Variants in EXO1 observed in about 807,000 individuals in gnomAD.
The protein encoded by EXO1 is exonuclease 1.
In EXO1, 69 loss-of-function variants were observed where a neutral mutation model predicts 84.5. The ratio of observed to expected loss-of-function variants is 0.82; its 90% CI spans 0.67 to 1.00. The LOEUF (loss-of-function observed/expected upper bound fraction) is 1.00, where lower values mean the gene tolerates loss of function less well. Among genes scored for constraint, EXO1 ranks in the 50% least tolerant of loss-of-function variants. The pLI is 0.00. For synonymous variants in EXO1, 373 were observed against 366.1 expected, an observed-to-expected ratio of 1.02 and a Z score of -0.21; for missense variants, 1,045 against 1,000.7, an observed-to-expected ratio of 1.04 and a Z score of -0.60.
chr1:241,864,209 C>T (rs756298218), intron 10 of EXO1, among the ~76,000 whole-genome samples: 27 of 152,158 alleles, frequency 1.8e-4, no homozygotes, highest in Non-Finnish European at 4.0e-4. Context: ...GTTGGTAACA[C>T]ATTGGATTTG....
In EXO1 at chr1:241,881,960, G is replaced by C. The variant is rs377440723; in HGVS notation, c.2154G>C (p.Gln718His). ...AGTTACTTGACAGTCAAAGTGACCAGACCTCCAAGCTACGTTTATCTCATT... is the reference window on the plus strand; with the variant it reads ...AGTTACTTGACAGTCAAAGTGACCACACCTCCAAGCTACGTTTATCTCATT... ...NIKLLDSQSD[Q>H]TSKLRLSHFS... The change falls in exon 14 of 16, where the codon CAG becomes CAC. Residue 718 changes from glutamine to histidine, a missense_variant. Gln to His is a conservative substitution (Grantham distance 24). Transcript: ENST00000366548. 12 of 1,584,602 alleles carry C rather than the reference G, an allele frequency of 7.6e-6. No individual in the cohort carries two copies. Among genetic ancestry groups the C allele is most frequent in the African/African-American group, 1.3e-5 (1 of 74,362 alleles).
At chr1:241,874,005 A>C (rs1662258864) in intron 12 of EXO1, among the ~76,000 whole-genome samples, 2 of 152,078 alleles carry the variant, frequency 1.3e-5, no homozygotes, top group Non-Finnish European at 2.9e-5. Context: ...CAAGCTGGGG[A>C]AAGATGGGTG....
intron 11 of EXO1, among the ~76,000 whole-genome samples, chr1:241,868,854 G>A (rs1661911514): frequency 6.6e-6 from 1 of 152,166 alleles, no homozygotes; most frequent in South Asian, 2.1e-4. Flanking sequence ...TTTTGATGCT[G>A]CTGTAAATAG....
In EXO1 at chr1:241,850,437, G is replaced by A. The variant is rs1293965085; in HGVS notation, c.12G>A (p.Gln4=). The change falls in exon 4 of 16, where the codon CAG becomes CAA. Residue 4 remains glutamine (Q), a synonymous_variant. Transcript: ENST00000366548. The part of the protein sequence containing the change: MGI[Q]GLLQFIKEAS... ...GTTAATTTGGCACCATGGGGATACA[G>A]GGATTGCTACAATTTATCAAAGAAG... The A allele has an allele frequency of 6.2e-7, 1 of 1,613,618 alleles. No homozygotes were observed. The highest frequency in any genetic ancestry group is 8.5e-7 in the Non-Finnish European group (1 of 1,179,656).
At chr1:241,888,219 G>A (rs1332974509) in intron 15 of EXO1, among the ~76,000 whole-genome samples, 2 of 152,082 alleles carry the variant, frequency 1.3e-5, no homozygotes, top group Non-Finnish European at 2.9e-5. Context: ...CAGCCAGAGT[G>A]CAACAGAACG....
chr1:241,871,911 GT>G (rs35496250), intron 11 of EXO1, 120 bp from the exon 12 acceptor site: 24,334 of 512,618 alleles, frequency 0.047, 1 homozygote, highest in Middle Eastern at 0.065. Context: ...CTGAGGCATA[GT>G]TTTTTTTTTT....
intron 9 of EXO1, 106 bp downstream of exon 9, chr1:241,860,810 GCT>G: frequency 4.4e-6 from 4 of 904,862 alleles, no homozygotes; most frequent in East Asian, 2.5e-5. Flanking sequence ...ATTATTTTTT[GCT>G]CTCTTTTTTA....
Position 241,852,782 on chromosome 1 carries a change from G to A in EXO1, c.281+371G>A, listed in dbSNP as rs577676150. Among the ~76,000 whole-genome samples the A allele has an allele frequency of 4.6e-5, 7 of 152,098 alleles. No individual in the cohort carries two copies. In the East Asian group the frequency reaches 1.4e-3, roughly 29 times the overall value. ...AGCAATTCTTGTGCCTCAGCCTCCC[G>A]AGTAGCTGGGACTACAGGCACGTGC... On this transcript the variant is annotated intron_variant, in intron 5 of 15. Transcript: ENST00000366548.
chr1:241,854,559 T>C (rs1441434814), intron 6 of EXO1: 1 of 152,320 alleles, frequency 6.6e-6, no homozygotes, highest in Non-Finnish European at 1.5e-5. Context: ...AGTCTCTGGC[T>C]CTTTTCTGTA....
intron 5 of EXO1, among the ~76,000 whole-genome samples, chr1:241,853,074 A>G (rs1660756590): frequency 6.6e-6 from 1 of 152,246 alleles, no homozygotes; most frequent in African/African-American, 2.4e-5. Context: ...GTTTAAAAGT[A>G]TCTTCGTTAC....
chr1:241,860,912 A>G (rs545891025), intron 9 of EXO1, among the ~76,000 whole-genome samples: 21 of 152,348 alleles, frequency 1.4e-4, no homozygotes, highest in Non-Finnish European at 2.5e-4. Context: ...CTCATCCACT[A>G]TGCATCCTGA....
At chr1:241,868,208 C>T (rs1032839624) in intron 11 of EXO1, among the ~76,000 whole-genome samples, 2 of 151,758 alleles carry the variant, frequency 1.3e-5, no homozygotes, top group African/African-American at 4.8e-5. Context: ...AACCCCATCT[C>T]TATTAAAAAT....
chr1:241,866,744 G>A (rs1661759140), intron 10 of EXO1, 86 bp from the exon 11 acceptor site: 1 of 1,019,514 alleles, frequency 9.8e-7, no homozygotes. Flanking sequence ...AACTTAAGAT[G>A]TTTATTTATA....
chr1:241,879,742 T>C (rs1427906949), intron 13 of EXO1, among the ~76,000 whole-genome samples: 2 of 152,170 alleles, frequency 1.3e-5, no homozygotes, highest in Non-Finnish European at 2.9e-5. Context: ...CGATGGCTCA[T>C]GCCTGTAATC....
intron 10 of EXO1, among the ~76,000 whole-genome samples, chr1:241,864,157 G>T (rs908227638): frequency 5.3e-5 from 8 of 152,216 alleles, no homozygotes; most frequent in South Asian, 2.1e-4. Flanking sequence ...TTGTGTGAAT[G>T]AGTGGGGCTT....
chr1:241,863,431 G>A (rs1661513099), intron 10 of EXO1, among the ~76,000 whole-genome samples: 1 of 131,402 alleles, frequency 7.6e-6, no homozygotes, highest in Non-Finnish European at 1.6e-5. Flanking sequence ...AACAAAAAAA[G>A]CGTATGTAGA....
At chr1:241,876,861 C>T (rs1662431098) in intron 12 of EXO1, among the ~76,000 whole-genome samples, 1 of 152,100 alleles carries the variant, frequency 6.6e-6, no homozygotes, top group South Asian at 2.1e-4. Context: ...TTTGAATTCT[C>T]ACTCTGTCAT....
At chr1:241,884,723 A>G (rs1662955280) in intron 14 of EXO1, among the ~76,000 whole-genome samples, 1 of 151,986 alleles carries the variant, frequency 6.6e-6, no homozygotes, top group African/African-American at 2.4e-5. Flanking sequence ...GGGAGCAGCA[A>G]TTGCCTCTGG....
rs1663283774 is a variant in EXO1 at position 241,889,920 on chromosome 1, A to T, written c.*320A>T. The stretch of plus-strand genomic sequence containing the variant: ...CTGTAATGTTGTCAAGTAGAAAGAT[A>T]GTAAATGGAGAAACTACAATCCTAG... On this transcript the variant is annotated 3_prime_UTR_variant, in exon 16 of 16. Transcript: ENST00000366548. 3.0e-6 allele frequency: 1 copy of T among 328,176 alleles called. No individual in the cohort carries two copies. Among genetic ancestry groups the T allele is most frequent in the South Asian group, 2.9e-5 (1 of 34,568 alleles). 20.3% of individuals were successfully genotyped at this position (328,176 alleles called of 1,614,324 possible).
Sources: gnomAD v4.1 joint callset for allele counts (sites outside exome capture counted in the v4.1 genomes callset) on GRCh38, gnomAD v4.1.1 for gene constraint, MANE v1.5 for transcripts, NCBI Gene and HGNC (gene_info 2026-07-23, HGNC 2026-07-21) for gene names.